The following ANKRD6 variants were observed in gnomAD, a reference collection of about 807,000 sequenced individuals.
ANKRD6 encodes the protein ankyrin repeat domain 6.
In ANKRD6, 56 loss-of-function variants were observed where a neutral mutation model predicts 82.3. That is an observed-to-expected ratio of 0.68 (90% CI 0.55 to 0.85). ANKRD6 has a LOEUF of 0.85. Among genes scored for constraint, ANKRD6 ranks in the 40% least tolerant of loss-of-function variants. The pLI is 0.00. For synonymous variants in ANKRD6, 347 were observed against 352.1 expected, an observed-to-expected ratio of 0.99 and a Z score of 0.16; for missense variants, 852 against 907.6, an observed-to-expected ratio of 0.94 and a Z score of 0.79.
At chr6:89,580,551 A>G (rs1792279879) in intron 2 of ANKRD6, among the ~76,000 whole-genome samples, 1 of 152,112 alleles carries the variant, frequency 6.6e-6, no homozygotes, top group South Asian at 2.1e-4. Context: ...CATGGCCTCA[A>G]GAAACACAGT....
intron 7 of ANKRD6, among the ~76,000 whole-genome samples, chr6:89,615,613 G>T (rs1215713716): frequency 6.6e-6 from 1 of 152,196 alleles, no homozygotes; most frequent in Non-Finnish European, 1.5e-5. Context: ...AAAGCACTGT[G>T]CAGAGCTTCC....
chr6:89,610,766 A>T (rs1352634578), intron 5 of ANKRD6, among the ~76,000 whole-genome samples: 2 of 151,056 alleles, frequency 1.3e-5, no homozygotes, highest in East Asian at 3.9e-4. Context: ...CCTCCTGGGG[A>T]ACTATAAACA....
intron 1 of ANKRD6, among the ~76,000 whole-genome samples, chr6:89,459,156 G>A (rs777354864): frequency 1.3e-4 from 20 of 152,036 alleles, no homozygotes; most frequent in Non-Finnish European, 2.4e-4. Context: ...TCGGCTCACT[G>A]CAACCTCCGT....
intron 1 of ANKRD6, among the ~76,000 whole-genome samples, chr6:89,453,975 G>C (rs1025387086): frequency 1.3e-5 from 2 of 151,704 alleles, no homozygotes; most frequent in Non-Finnish European, 2.9e-5. Context: ...CTAACTTTTC[G>C]TATTTTTAGT....
intron 7 of ANKRD6, among the ~76,000 whole-genome samples, chr6:89,614,521 C>T (rs1454797784): frequency 6.6e-6 from 1 of 152,178 alleles, no homozygotes; most frequent in Non-Finnish European, 1.5e-5. Flanking sequence ...TGGCGTGCAC[C>T]TGCAATCTCA....
At chr6:89,617,932 G>C (rs931727910) in intron 8 of ANKRD6, 22 bp from the exon 9 acceptor site, 1 of 1,613,142 alleles carries the variant, frequency 6.2e-7, no homozygotes. Context: ...TTTCTCACCT[G>C]TCCTACTCTG....
intron 1 of ANKRD6, among the ~76,000 whole-genome samples, chr6:89,521,428 C>G (rs1441016442): frequency 1.3e-5 from 2 of 152,146 alleles, no homozygotes; most frequent in African/African-American, 4.8e-5. Context: ...GGCAAGCCCC[C>G]CAATGTGAGG....
At position 89,629,237 on chromosome 6, in the gene ANKRD6, A is replaced by T. The variant is rs772112895; in HGVS notation, c.1611A>T (p.Thr537=). The T allele has an allele frequency of 1.9e-6, 3 of 1,613,872 alleles. No homozygotes were observed. The highest frequency in any genetic ancestry group is 2.5e-6 in the Non-Finnish European group (3 of 1,179,852). ...CACCATCTACTTGTGAGTCCTCTACAGGTAACCCACACACAGAGAGCCCTT... is the reference window on the plus strand; with the variant it reads ...CACCATCTACTTGTGAGTCCTCTACTGGTAACCCACACACAGAGAGCCCTT... The part of the protein sequence containing the change: ...KSTPSTCESS[T]GVDQLVVTAG... The change falls in exon 15 of 16, where the codon ACA becomes ACT. Residue 537 remains threonine (T), a splice_region_variant and synonymous_variant. Coordinates refer to ENST00000339746, the MANE Select transcript of ANKRD6 (RefSeq NM_001242809.2).
Position 89,545,254 on chromosome 6 carries a change from C to T in ANKRD6, c.-143-21580C>T, listed in dbSNP as rs541420259. On this transcript the variant is annotated intron_variant, in intron 1 of 15. Coordinates refer to ENST00000339746, the MANE Select transcript of ANKRD6 (RefSeq NM_001242809.2). ...AAGAAAAGAAAAAGGGCTGTTTCTA[C>T]TGGCCCAGAAAGTTCGGGGGAATTT... 2.2e-4 allele frequency among the ~76,000 whole-genome samples: 34 copies of T among 151,430 alleles called. No individual in the cohort carries two copies. The South Asian group carries it at 7.2e-3, about 32-fold the overall frequency.
chr6:89,547,670 C>G (rs1785278102), intron 1 of ANKRD6, among the ~76,000 whole-genome samples: 1 of 152,142 alleles, frequency 6.6e-6, no homozygotes. Context: ...TTTGACTGAA[C>G]AGCAAACCAG....
At chr6:89,575,447 A>G (rs554803485) in intron 2 of ANKRD6, among the ~76,000 whole-genome samples, 3 of 152,242 alleles carry the variant, frequency 2.0e-5, no homozygotes, top group Admixed American at 6.5e-5. Flanking sequence ...ACTGGTAACC[A>G]TCATGTTTCC....
At chr6:89,543,132 C>G (rs188788196) in intron 1 of ANKRD6, among the ~76,000 whole-genome samples, 1 of 152,128 alleles carries the variant, frequency 6.6e-6, no homozygotes. Flanking sequence ...TCAGACGTGG[C>G]GAAAGCAAAT....
intron 1 of ANKRD6, among the ~76,000 whole-genome samples, chr6:89,535,535 A>G (rs1783718389): frequency 6.6e-6 from 1 of 152,184 alleles, no homozygotes; most frequent in African/African-American, 2.4e-5. Context: ...TGTTTGGCTG[A>G]ATTCTTGCCC....
intron 1 of ANKRD6, among the ~76,000 whole-genome samples, chr6:89,446,284 G>A (rs777742558): frequency 6.6e-6 from 1 of 152,002 alleles, no homozygotes; most frequent in East Asian, 1.9e-4. Context: ...TCTGGGAGGT[G>A]GAGGTTGCAG....
Position 89,630,445 on chromosome 6 carries a change from T to C in ANKRD6, c.1625T>C (p.Leu542Ser), listed in dbSNP as rs754046353. 1 of 1,612,166 alleles carries C rather than the reference T, an allele frequency of 6.2e-7. No individual in the cohort carries two copies. Among genetic ancestry groups the C allele is most frequent in the Non-Finnish European group, 8.5e-7 (1 of 1,178,974 alleles). ...CTTCTGAAACCAGGTGTGGACCAATTAGTGGTGACTGCAGGTCCAGCAGCA... is the reference window on the plus strand; with the variant it reads ...CTTCTGAAACCAGGTGTGGACCAATCAGTGGTGACTGCAGGTCCAGCAGCA... ...TCESSTGVDQ[L>S]VVTAGPAAAS... The change falls in exon 16 of 16, where the codon TTA (leucine) becomes TCA (serine). Residue 542 changes from leucine (L) to serine (S), a missense_variant. Physicochemically the swap from Leu to Ser is moderately radical, Grantham distance 145. Coordinates refer to ENST00000339746, the MANE Select transcript of ANKRD6 (RefSeq NM_001242809.2).
At chr6:89,587,008 G>A (rs56098119) in intron 2 of ANKRD6, among the ~76,000 whole-genome samples, 14,254 of 151,952 alleles carry the variant, frequency 0.094, 897 homozygotes, top group South Asian at 0.18. Flanking sequence ...GGCCAACATG[G>A]TGAAACCCCA....
At chr6:89,536,477 G>T (rs896795623) in intron 1 of ANKRD6, among the ~76,000 whole-genome samples, 1 of 152,224 alleles carries the variant, frequency 6.6e-6, no homozygotes, top group Non-Finnish European at 1.5e-5. Flanking sequence ...ACTCTGCATT[G>T]CTTTCAGGCT....
rs1783707154 is a variant in ANKRD6 at position 89,535,441 on chromosome 6, T to C, written c.-143-31393T>C. Reference sequence around the variant, plus strand: ...AACAGACTAAAACTGTAGTTTAAAATACAAGCACACACACTCACAGATCAA... The same window carrying C: ...AACAGACTAAAACTGTAGTTTAAAACACAAGCACACACACTCACAGATCAA... On this transcript the variant is annotated intron_variant, in intron 1 of 15. Coordinates refer to ENST00000339746, the MANE Select transcript of ANKRD6 (RefSeq NM_001242809.2). 1.3e-5 allele frequency among the ~76,000 whole-genome samples: 2 copies of C among 152,206 alleles called. 1 individual carries two copies. The highest frequency in any genetic ancestry group is 4.1e-4 in the South Asian group (2 of 4,832).
At chr6:89,580,880 T>G (rs1168799838) in intron 2 of ANKRD6, among the ~76,000 whole-genome samples, 1 of 152,174 alleles carries the variant, frequency 6.6e-6, no homozygotes, top group Non-Finnish European at 1.5e-5. Flanking sequence ...ACTTACAAGG[T>G]GGTTGGTCAG....
Sources: gnomAD v4.1 joint callset for allele counts (sites outside exome capture counted in the v4.1 genomes callset) on GRCh38, gnomAD v4.1.1 for gene constraint, MANE v1.5 for transcripts, NCBI Gene and HGNC (gene_info 2026-07-23, HGNC 2026-07-21) for gene names.